TRMT10B: variants seen among roughly 807,000 people sequenced by gnomAD.
The protein encoded by TRMT10B is tRNA methyltransferase 10 homolog B.
In TRMT10B, 33 loss-of-function variants were observed where a neutral mutation model predicts 43.8. That is an observed-to-expected ratio of 0.75 (90% CI 0.57 to 1.01). TRMT10B has a LOEUF of 1.01. Ranked by LOEUF, TRMT10B falls within the 50% of genes least tolerant of loss-of-function variation. The pLI is 0.00. For synonymous variants in TRMT10B, 137 were observed against 130.6 expected (o/e 1.05, Z -0.34); for missense variants, 362 against 369.8 (o/e 0.98, Z 0.17).
chr9:37,769,310 A>T (rs1008403287), intron 5 of TRMT10B, among the ~76,000 whole-genome samples: 6 of 66,864 alleles, frequency 9.0e-5, no homozygotes, highest in African/African-American at 2.5e-4. Context: ...CCTGTCTTTA[A>T]AAAAAAAAAA....
chr9:37,754,562 C>G (rs1240400612), intron 1 of TRMT10B, among the ~76,000 whole-genome samples: 2 of 152,010 alleles, frequency 1.3e-5, no homozygotes, highest in Non-Finnish European at 2.9e-5. Flanking sequence ...TCACAGGGCT[C>G]GGGTACTGAG....
intron 4 of TRMT10B, 196 bp downstream of exon 4, chr9:37,763,949 G>T: frequency 9.1e-7 from 1 of 1,103,318 alleles, no homozygotes. Flanking sequence ...TATATAGTTT[G>T]GTTTAGTTTG....
At chr9:37,754,339 C>G (rs1398113024) in intron 1 of TRMT10B, among the ~76,000 whole-genome samples, 1 of 152,094 alleles carries the variant, frequency 6.6e-6, no homozygotes, top group Non-Finnish European at 1.5e-5. Context: ...TAGGGAAGAG[C>G]ATTGAGGGTA....
chr9:37,757,554 A>G (rs1484471328), intron 1 of TRMT10B, among the ~76,000 whole-genome samples: 1 of 152,240 alleles, frequency 6.6e-6, no homozygotes, highest in Non-Finnish European at 1.5e-5. Flanking sequence ...TTTCAAATCT[A>G]TAATTTTGAA....
At chr9:37,776,232 A>G (rs1477039200) in intron 7 of TRMT10B, 50 bp from the exon 8 acceptor site, 2 of 1,360,876 alleles carry the variant, frequency 1.5e-6, no homozygotes, top group Non-Finnish European at 1.9e-6. Flanking sequence ...CATTGAGAAT[A>G]TACTCATGTA....
In TRMT10B at chr9:37,778,525, T is replaced by C. The variant is rs1326651469; in HGVS notation, c.*818T>C. The C allele has an allele frequency of 6.6e-6, 1 of 152,032 alleles. No individual in the cohort carries two copies. Among genetic ancestry groups the C allele is most frequent in the African/African-American group, 2.4e-5 (1 of 41,378 alleles). 9.4% of individuals were successfully genotyped at this position (152,032 alleles called of 1,614,324 possible). ...TCGAGGGGAAAAAAAAAAAAAATTA[T>C]GTAACAAGGAATTAGCCTCAAAACC... is the stretch of plus-strand genomic sequence containing the variant. On this transcript the variant is annotated 3_prime_UTR_variant, in exon 9 of 9. Transcript: ENST00000297994.
chr9:37,772,677 G>A (rs2118899176), intron 7 of TRMT10B, among the ~76,000 whole-genome samples: 1 of 152,246 alleles, frequency 6.6e-6, no homozygotes, highest in African/African-American at 2.4e-5. Flanking sequence ...CGAGGCAGGA[G>A]GCTGTTACAG....
intron 5 of TRMT10B, 91 bp downstream of exon 5, chr9:37,768,319 A>G: frequency 1.5e-6 from 2 of 1,376,032 alleles, no homozygotes; most frequent in Non-Finnish European, 2.0e-6. Flanking sequence ...TATATGTTAC[A>G]TTTTCAGTAT....
upstream of TRMT10B, among the ~76,000 whole-genome samples, chr9:37,753,195 G>A (rs1044884783): frequency 6.6e-6 from 1 of 152,192 alleles, no homozygotes; most frequent in South Asian, 2.1e-4. Flanking sequence ...CTCCAGACAC[G>A]CAGTCTTTAA....
chr9:37,761,458 G>C (rs918789756), intron 1 of TRMT10B, among the ~76,000 whole-genome samples: 3 of 152,272 alleles, frequency 2.0e-5, no homozygotes, highest in East Asian at 3.9e-4. Flanking sequence ...CCGCACTTTG[G>C]GGGGCCGAGA....
intron 8 of TRMT10B, among the ~76,000 whole-genome samples, chr9:37,776,665 C>T (rs1335943412): frequency 4.6e-5 from 7 of 151,996 alleles, no homozygotes; most frequent in Admixed American, 6.6e-5. Context: ...TTTCAGAGGC[C>T]GAGGTGGGTG....
upstream of TRMT10B, among the ~76,000 whole-genome samples, chr9:37,752,954 A>G (rs1052148025): frequency 2.0e-5 from 3 of 152,046 alleles, no homozygotes; most frequent in East Asian, 1.9e-4. Context: ...TCTTTGTAAT[A>G]AATCTTGTTG....
At chr9:37,753,221 G>A (rs1040606777), upstream of TRMT10B, among the ~76,000 whole-genome samples, 1 of 152,212 alleles carries the variant, frequency 6.6e-6, no homozygotes, top group African/African-American at 2.4e-5. Flanking sequence ...GTAACACCGC[G>A]ATGGTCCGCG....
At chr9:37,757,079 G>A (rs944898195) in intron 1 of TRMT10B, among the ~76,000 whole-genome samples, 7 of 151,862 alleles carry the variant, frequency 4.6e-5, no homozygotes, top group Non-Finnish European at 1.0e-4. Flanking sequence ...TTTAAGAATA[G>A]CTTGGATTTT....
chr9:37,762,750 C>T, intron 3 of TRMT10B, 65 bp downstream of exon 3: 1 of 1,489,478 alleles, frequency 6.7e-7, no homozygotes. Context: ...CTGCATGTTC[C>T]AATGAGAGTA....
chr9:37,769,903 G>A (rs150275092), intron 5 of TRMT10B, 38 bp from the exon 6 acceptor site: 53 of 1,561,908 alleles, frequency 3.4e-5, no homozygotes, highest in South Asian at 3.1e-4. Context: ...CCACCCAGCC[G>A]TGAGCTGTTT....
At chr9:37,755,784 A>G (rs1452939597) in intron 1 of TRMT10B, among the ~76,000 whole-genome samples, 7 of 152,130 alleles carry the variant, frequency 4.6e-5, no homozygotes, top group Non-Finnish European at 1.0e-4. Flanking sequence ...AGGGGAAAAG[A>G]AAGGAAGGGA....
upstream of TRMT10B, among the ~76,000 whole-genome samples, chr9:37,753,123 G>A (rs193063794): frequency 1.0e-4 from 15 of 150,684 alleles, no homozygotes; most frequent in East Asian, 9.9e-4. Flanking sequence ...AACACTCATT[G>A]CGAAGATCTG....
rs1828324874 is a variant in TRMT10B, at chr9:37,777,633, C to T, written c.877C>T (p.His293Tyr). 1.2e-6 allele frequency: 2 copies of T among 1,614,024 alleles called. No individual in the cohort carries two copies. The highest frequency in any genetic ancestry group is 1.7e-6 in the Non-Finnish European group (2 of 1,179,978). ...TATCCTGTCCACTTACTTAGAGACT[C>T]ACAACTGGCCTGAAGCATTGAAGAA... ...FDILSTYLET[H>Y]NWPEALKKGV... is the part of the protein sequence containing the mutation. The change falls in exon 9 of 9, where the codon CAC becomes TAC. Residue 293 changes from histidine to tyrosine, a missense_variant. By Grantham distance (83) the His-to-Tyr change is moderately conservative (BLOSUM62 2). Coordinates refer to ENST00000297994, the MANE Select transcript of TRMT10B (RefSeq NM_144964.4).
Sources: allele counts gnomAD v4.1 joint callset (sites outside exome capture counted in the v4.1 genomes callset), GRCh38; gene constraint gnomAD v4.1.1; transcripts MANE v1.5; gene names NCBI Gene and HGNC (gene_info 2026-07-23, HGNC 2026-07-21).